Variants in EHMT1 observed in about 807,000 individuals in gnomAD.
EHMT1 encodes the protein histone-lysine N-methyltransferase EHMT1.
EHMT1 carries 15 observed loss-of-function variants against 147.2 expected under a neutral mutation model. The ratio of observed to expected loss-of-function variants is 0.10; its 90% CI spans 0.07 to 0.16. The LOEUF (loss-of-function observed/expected upper bound fraction) is 0.16, where lower values mean the gene tolerates loss of function less well. Among genes scored for constraint, EHMT1 ranks in the 10% least tolerant of loss-of-function variants. The pLI, the probability that EHMT1 is intolerant of heterozygous loss-of-function variation, is 1.00. For missense variants in EHMT1, 1,587 were observed against 1,772.4 expected, an observed-to-expected ratio of 0.90 and a Z score of 1.88; for synonymous variants, 795 against 709.6, an observed-to-expected ratio of 1.12 and a Z score of -1.91.
intron 14 of EHMT1, among the ~76,000 whole-genome samples, chr9:137,780,475 G>GGCATCTCA (rs1951336819): frequency 1.6e-5 from 2 of 126,694 alleles, no homozygotes; most frequent in African/African-American, 3.1e-5. Flanking sequence ...TGGTGATGAC[G>GGCATCTCA]CTGAGACGTG....
intron 25 of EHMT1, among the ~76,000 whole-genome samples, chr9:137,830,612 C>G (rs1956125339): frequency 2.6e-5 from 4 of 152,024 alleles, no homozygotes. Flanking sequence ...AGTCCAGCTC[C>G]CGGATGGCAT....
chr9:137,718,157 G>T (rs867559367), intron 3 of EHMT1, among the ~76,000 whole-genome samples: 1 of 148,206 alleles, frequency 6.7e-6, no homozygotes, highest in East Asian at 2.0e-4. Flanking sequence ...CACACGCACC[G>T]TGCTGATTTT....
In EHMT1 at chr9:137,800,964, G is replaced by A; in HGVS notation, c.2692G>A (p.Asp898Asn). The A allele has an allele frequency of 6.2e-7, 1 of 1,614,164 alleles. No individual in the cohort carries two copies. The highest frequency in any genetic ancestry group is 2.2e-5 in the East Asian group (1 of 44,882). ...LVKLLLSKGS[D>N]INIRDNEENI... is the part of the protein sequence containing the mutation. ...GAAGCTGCTGCTGTCCAAGGGCTCT[G>A]ACATCAACATCCGAGACAACGTAAG... The change falls in exon 18 of 27, where the codon GAC becomes AAC. Residue 898 changes from aspartate (D) to asparagine (N), a missense_variant. Asp to Asn is a conservative substitution (Grantham distance 23, BLOSUM62 1). Transcript: ENST00000460843.
chr9:137,690,110 C>T (rs562953896), intron 1 of EHMT1, among the ~76,000 whole-genome samples: 11 of 152,172 alleles, frequency 7.2e-5, no homozygotes, highest in African/African-American at 1.9e-4. Flanking sequence ...CCCAAGGTGA[C>T]GTGGGGAAAA....
Position 137,723,231 on chromosome 9 carries a change from C to T in EHMT1, c.643-5118C>T, listed in dbSNP as rs1196760954. Among the ~76,000 whole-genome samples the T allele has an allele frequency of 2.6e-3, 117 of 44,826 alleles. 5 individuals are homozygous for T. The highest frequency in any genetic ancestry group is 9.1e-3 in the African/African-American group (101 of 11,142). 29.4% of individuals were successfully genotyped at this position (44,826 alleles called of 152,430 possible). ...CCTGAGCCCGGGGTGTGCCTGTGTC[C>T]GTGGTTCTGGGCCTGAGCCCGGGGT... On this transcript the variant is annotated intron_variant, in intron 3 of 26. Coordinates refer to ENST00000460843, the MANE Select transcript of EHMT1 (RefSeq NM_024757.5).
chr9:137,728,854 G>A (rs527422635), intron 4 of EHMT1, among the ~76,000 whole-genome samples: 48 of 152,224 alleles, frequency 3.2e-4, no homozygotes, highest in Non-Finnish European at 5.9e-4. Flanking sequence ...TGTAGGTGGA[G>A]TGCCTTTGGA....
In EHMT1 at chr9:137,834,947, C is replaced by A; in HGVS notation, c.3891C>A (p.Pro1297=). Residue 1297 remains proline (P), a synonymous_variant, in exon 27 of 27, where the codon CCC becomes CCA. Transcript: ENST00000460843. ...CCAGCTCCGCGGCTGCCGCCGACCC[C>A]CTATGAGACGCCGCCGGCCAGCGGG... ...PDTSSAAAAD[P]L 1 of 1,459,450 alleles carries A rather than the reference C, an allele frequency of 6.9e-7. No homozygotes were observed. Among genetic ancestry groups the A allele is most frequent in the Non-Finnish European group, 9.0e-7 (1 of 1,114,428 alleles). The allele number at this position is 1,459,450 out of a possible 1,614,324, so 90.4% of individuals were successfully genotyped here. A position where few individuals can be genotyped will look rare whatever the true frequency, so the allele number is the denominator to read the frequency against.
chr9:137,804,056 G>A (rs774029666), intron 18 of EHMT1, among the ~76,000 whole-genome samples: 4 of 152,272 alleles, frequency 2.6e-5, no homozygotes, highest in East Asian at 1.9e-4. Context: ...AGCAAAGCAC[G>A]TCTTACATGG....
At chr9:137,660,189 G>T (rs1436938799) in intron 1 of EHMT1, among the ~76,000 whole-genome samples, 1 of 151,808 alleles carries the variant, frequency 6.6e-6, no homozygotes, top group Non-Finnish European at 1.5e-5. Context: ...ACAAATATTA[G>T]CTGGGCATAG....
chr9:137,810,570 A>G (rs542955929), intron 18 of EHMT1, among the ~76,000 whole-genome samples: 1 of 152,188 alleles, frequency 6.6e-6, no homozygotes, highest in East Asian at 1.9e-4. Context: ...TCCTTTGCAC[A>G]TATTTTTTCA....
chr9:137,692,454 G>A (rs958672096), intron 1 of EHMT1, among the ~76,000 whole-genome samples: 2 of 151,698 alleles, frequency 1.3e-5, no homozygotes, highest in African/African-American at 4.8e-5. Context: ...TAGTGGAAAC[G>A]GGGTTTCGCT....
At chr9:137,815,894 C>T (rs931398388) in intron 22 of EHMT1, 53 bp from the exon 23 acceptor site, 128 of 1,433,334 alleles carry the variant, frequency 8.9e-5, no homozygotes, top group Non-Finnish European at 1.1e-4. Flanking sequence ...GATGTCAGTT[C>T]AATTAAAGAG....
intron 16 of EHMT1, chr9:137,792,040 CT>C (rs753027973): frequency 0.021 from 6,821 of 332,048 alleles, no homozygotes; most frequent in South Asian, 0.036. Flanking sequence ...GCGCTAACAG[CT>C]TTTTTTTTTA....
chr9:137,818,050 C>T lies in EHMT1; in HGVS notation c.3462-10C>T, dbSNP rs752178081. ...CTTCCAGGGCCTCACCTGCACCGCACCCTCTGCAGGTATGTTGGGGAGCTG... is the reference window on the plus strand; with the variant it reads ...CTTCCAGGGCCTCACCTGCACCGCATCCTCTGCAGGTATGTTGGGGAGCTG... On this transcript the variant is annotated splice_polypyrimidine_tract_variant and intron_variant, in intron 24 of 26. Transcript: ENST00000460843. The T allele has an allele frequency of 6.2e-7, 1 of 1,614,010 alleles. No individual in the cohort carries two copies. Among genetic ancestry groups the T allele is most frequent in the Non-Finnish European group, 8.5e-7 (1 of 1,179,886 alleles).
intron 25 of EHMT1, among the ~76,000 whole-genome samples, chr9:137,822,841 C>T (rs550308062): frequency 2.0e-5 from 3 of 147,978 alleles, no homozygotes; most frequent in East Asian, 4.0e-4. Flanking sequence ...TGCAGTGAGC[C>T]AAGATCATGC....
intron 25 of EHMT1, among the ~76,000 whole-genome samples, chr9:137,820,687 T>G (rs1238152288): frequency 6.6e-6 from 1 of 152,246 alleles, no homozygotes; most frequent in East Asian, 1.9e-4. Context: ...TTTTCCCATC[T>G]TGTTACCTGG....
chr9:137,671,520 CTTT>C (rs71493689), intron 1 of EHMT1, among the ~76,000 whole-genome samples: 1 of 105,346 alleles, frequency 9.5e-6, no homozygotes, highest in African/African-American at 3.4e-5. Context: ...CCTTTTCTTT[CTTT>C]TTTTTTTTTT....
intron 9 of EHMT1, 80 bp from the exon 10 acceptor site, chr9:137,762,595 T>G: frequency 1.2e-6 from 2 of 1,606,450 alleles, no homozygotes; most frequent in Non-Finnish European, 1.7e-6. Context: ...AGATCACTGT[T>G]GAGACTATAA....
intron 1 of EHMT1, among the ~76,000 whole-genome samples, chr9:137,678,946 CTTATT>C (rs896612881): frequency 1.2e-4 from 18 of 152,036 alleles, no homozygotes; most frequent in South Asian, 8.3e-4. Flanking sequence ...GTTTATTTAT[CTTATT>C]TTATTTTATT....
Sources: allele counts gnomAD v4.1 joint callset (sites outside exome capture counted in the v4.1 genomes callset), GRCh38; gene constraint gnomAD v4.1.1; transcripts MANE v1.5; gene names NCBI Gene and HGNC (gene_info 2026-07-23, HGNC 2026-07-21).